Variants in ABCA13 observed in about 807,000 individuals in gnomAD.
ABCA13 encodes the protein ATP binding cassette subfamily A member 13.
A neutral mutation model predicts 478.7 loss-of-function variants in ABCA13; 476 were observed. The observed-to-expected ratio is 0.99, with a 90% confidence interval of 0.92 to 1.07. The LOEUF is 1.07. ABCA13 is among the 50% of genes least tolerant of loss of function. The pLI is 0.00. For synonymous variants in ABCA13, 2,252 were observed against 2,158.9 expected (o/e 1.04, Z -1.20); for missense variants, 6,060 against 5,910.6 (o/e 1.03, Z -0.83).
At chr7:48,311,046 T>C (rs560550905) in intron 24 of ABCA13, among the ~76,000 whole-genome samples, 3 of 152,200 alleles carry the variant, frequency 2.0e-5, no homozygotes, top group Non-Finnish European at 4.4e-5. Context: ...TTGCTCCAAG[T>C]ACCATTGTTT....
At chr7:48,434,392 G>T (rs2163939) in intron 42 of ABCA13, among the ~76,000 whole-genome samples, 50,421 of 151,616 alleles carry the variant, frequency 0.33, 8,488 homozygotes, top group East Asian at 0.38. Flanking sequence ...GTAGAAGTTC[G>T]TTGTTTTCTG....
intron 27 of ABCA13, among the ~76,000 whole-genome samples, chr7:48,323,154 T>A (rs919453124): frequency 3.3e-5 from 5 of 152,190 alleles, no homozygotes; most frequent in Admixed American, 2.6e-4. Context: ...CTTACCTTGC[T>A]TTTATCACTA....
chr7:48,314,539 C>A, intron 26 of ABCA13, 130 bp downstream of exon 26: 1 of 854,314 alleles, frequency 1.2e-6, no homozygotes, highest in Non-Finnish European at 1.7e-6. Context: ...TCTGCTTCCA[C>A]CTCCCCAAAT....
chr7:48,184,653 C>G (rs1291185908), intron 1 of ABCA13, among the ~76,000 whole-genome samples: 1 of 152,014 alleles, frequency 6.6e-6, no homozygotes, highest in Admixed American at 6.5e-5. Flanking sequence ...AACCCTATCT[C>G]TACCAAAAAT....
Position 48,276,396 on chromosome 7 carries a change from C to A in ABCA13, c.6730C>A (p.His2244Asn), listed in dbSNP as rs1419363896. 1 of 1,557,540 alleles carries A rather than the reference C, an allele frequency of 6.4e-7. No homozygotes were observed. The highest frequency in any genetic ancestry group is 1.9e-5 in the Admixed American group (1 of 52,304). ...GAATTTCATTAACCTTATCTTGAACCATATGCAGTCAGAAACTAGTAGGAA... is the reference window on the plus strand; with the variant it reads ...GAATTTCATTAACCTTATCTTGAACAATATGCAGTCAGAAACTAGTAGGAA... ...IMNFINLILNHMQSETSRKTV... is the reference protein window; with the variant it reads ...IMNFINLILNNMQSETSRKTV... The change falls in exon 17 of 62, where the codon CAT becomes AAT. Residue 2244 changes from histidine to asparagine, a missense_variant. Around this residue, in one of 3 missense-constraint regions of ABCA13, gnomAD observed 4,423 missense variants for 4,309.1 expected, o/e 1.03. Coordinates refer to ENST00000435803, the MANE Select transcript of ABCA13 (RefSeq NM_152701.5).
chr7:48,249,395 C>G (rs756327164), intron 15 of ABCA13, 44 bp downstream of exon 15: 1 of 1,603,490 alleles, frequency 6.2e-7, no homozygotes, highest in South Asian at 1.1e-5. Flanking sequence ...ATGCTTTCCC[C>G]TTTTAGTGAG....
rs1256443769 is a variant in ABCA13 at position 48,481,268 on chromosome 7, C to T, written c.13094+114C>T. On this transcript the variant is annotated intron_variant, in intron 46 of 61. Transcript: ENST00000435803. ...AAAATCTAAGACTGACCTTGGTGCT[C>T]ATAAAAATTCCACAGTGTGTGATGT... is the stretch of plus-strand genomic sequence containing the variant. 4 of 816,790 alleles carry T rather than the reference C, an allele frequency of 4.9e-6. No homozygotes were observed. The Admixed American group carries it at 7.6e-5, about 16-fold the overall frequency. The allele number at this position is 816,790 out of a possible 1,614,324, so 50.6% of individuals were successfully genotyped here. A position where few individuals can be genotyped will look rare whatever the true frequency, so the allele number is the denominator to read the frequency against.
At chr7:48,388,178 G>A (rs1156283842) in intron 36 of ABCA13, among the ~76,000 whole-genome samples, 3 of 152,100 alleles carry the variant, frequency 2.0e-5, no homozygotes, top group Non-Finnish European at 4.4e-5. Flanking sequence ...AACCCAGGGA[G>A]TTCCCATTAA....
At chr7:48,524,130 C>A in intron 53 of ABCA13, 118 bp from the exon 54 acceptor site, 1 of 899,770 alleles carries the variant, frequency 1.1e-6, no homozygotes, top group Non-Finnish European at 1.6e-6. Flanking sequence ...AAGCTGACTG[C>A]CCAGAAGTCC....
intron 1 of ABCA13, among the ~76,000 whole-genome samples, chr7:48,173,279 G>A (rs946733385): frequency 6.6e-6 from 1 of 152,052 alleles, no homozygotes; most frequent in African/African-American, 2.4e-5. Flanking sequence ...CTTATTTGCC[G>A]ATTGCCTCTG....
At chr7:48,571,208 G>T (rs549164010) in intron 55 of ABCA13, among the ~76,000 whole-genome samples, 1 of 152,232 alleles carries the variant, frequency 6.6e-6, no homozygotes, top group Non-Finnish European at 1.5e-5. Context: ...ACAGAAAAAG[G>T]AATTACAAGA....
intron 38 of ABCA13, among the ~76,000 whole-genome samples, chr7:48,397,103 T>C (rs1186890715): frequency 6.6e-6 from 1 of 152,216 alleles, no homozygotes; most frequent in Admixed American, 6.5e-5. Context: ...TCAGTTCTTG[T>C]GGGTTGAGCC....
chr7:48,228,603 G>A (rs1788597798), intron 6 of ABCA13, among the ~76,000 whole-genome samples: 1 of 152,172 alleles, frequency 6.6e-6, no homozygotes, highest in South Asian at 2.1e-4. Context: ...GGAGTGGACT[G>A]AAGGTTGGGG....
intron 42 of ABCA13, among the ~76,000 whole-genome samples, chr7:48,454,195 C>A (rs865833950): frequency 2.0e-5 from 3 of 152,164 alleles, no homozygotes; most frequent in Non-Finnish European, 4.4e-5. Context: ...CTGATTGATC[C>A]GGCTGAGTCC....
chr7:48,604,607 T>C (rs1242931731), intron 58 of ABCA13, among the ~76,000 whole-genome samples: 1 of 152,118 alleles, frequency 6.6e-6, no homozygotes, highest in Non-Finnish European at 1.5e-5. Context: ...TGTTATGATT[T>C]CCGTTCTTTT....
chr7:48,281,439 C>T lies in ABCA13; in HGVS notation c.8823C>T (p.Leu2941=). ...TGAAGATGATGGTCGTACGTGTGCT[C>T]ACCATCGTTGCAGGTGGGCTGCTCA... ...QKVKMMVVRV[L]TIVAENPSWT... Residue 2941 remains leucine, a synonymous_variant, in exon 19 of 62, where the codon CTC becomes CTT. Coordinates refer to ENST00000435803, the MANE Select transcript of ABCA13 (RefSeq NM_152701.5). 6.3e-7 allele frequency: 1 copy of T among 1,598,104 alleles called. No homozygotes were observed. Among genetic ancestry groups the T allele is most frequent in the African/African-American group, 1.3e-5 (1 of 74,826 alleles).
chr7:48,587,810 A>C (rs1013901467), intron 57 of ABCA13, among the ~76,000 whole-genome samples: 2 of 152,240 alleles, frequency 1.3e-5, no homozygotes, highest in Non-Finnish European at 2.9e-5. Context: ...AACTGCAGTT[A>C]ATTTGATTTG....
chr7:48,350,512 C>T, intron 29 of ABCA13, 131 bp from the exon 30 acceptor site: 1 of 1,174,508 alleles, frequency 8.5e-7, no homozygotes, highest in South Asian at 2.0e-5. Flanking sequence ...AAATTTGACT[C>T]TTTTGAGCAA....
chr7:48,448,648 T>G (rs1203428270), intron 42 of ABCA13, among the ~76,000 whole-genome samples: 1 of 152,122 alleles, frequency 6.6e-6, no homozygotes, highest in Admixed American at 6.5e-5. Flanking sequence ...CTATATTGTG[T>G]TTTTTTAAGA....
Sources: gnomAD v4.1 joint callset for allele counts (sites outside exome capture counted in the v4.1 genomes callset) on GRCh38, gnomAD v4.1.1 for gene constraint, gnomAD v4.1.1 regional missense constraint, MANE v1.5 for transcripts, NCBI Gene and HGNC (gene_info 2026-07-23, HGNC 2026-07-21) for gene names.